The following DAPP1 variants were observed in gnomAD, a reference collection of about 807,000 sequenced individuals.
DAPP1 encodes the protein dual adapter for phosphotyrosine and 3-phosphotyrosine and 3-phosphoinositide.
In DAPP1, 20 loss-of-function variants were observed where a neutral mutation model predicts 41.5. The ratio of observed to expected loss-of-function variants is 0.48; its 90% CI spans 0.34 to 0.70. The LOEUF (loss-of-function observed/expected upper bound fraction) is 0.70, where lower values mean the gene tolerates loss of function less well. Among genes scored for constraint, DAPP1 ranks in the 30% least tolerant of loss-of-function variants. DAPP1 has a pLI of 0.01. For synonymous variants in DAPP1, 113 were observed against 116.2 expected, an observed-to-expected ratio of 0.97 and a Z score of 0.18; for missense variants, 233 against 333.4, an observed-to-expected ratio of 0.70 and a Z score of 2.35.
intron 4 of DAPP1, among the ~76,000 whole-genome samples, chr4:99,859,496 C>T (rs143224661): frequency 2.8e-4 from 42 of 152,216 alleles, no homozygotes; most frequent in African/African-American, 6.3e-4. Flanking sequence ...ATTTATCTGT[C>T]GATTCATTCA....
chr4:99,834,003 G>T lies in DAPP1; in HGVS notation c.102-1620G>T, dbSNP rs182099241. Among the ~76,000 whole-genome samples the T allele has an allele frequency of 9.2e-5, 14 of 152,268 alleles. No homozygotes were observed. The East Asian group carries it at 2.7e-3, about 29-fold the overall frequency. On this transcript the variant is annotated intron_variant, in intron 1 of 8. Transcript: ENST00000512369. ...ACATGAGGAACCAAAGCTCAGATTGGTTAAGTAACATGTCCAAGGCCATAC... is the reference window on the plus strand; with the variant it reads ...ACATGAGGAACCAAAGCTCAGATTGTTTAAGTAACATGTCCAAGGCCATAC...
chr4:99,825,541 C>A (rs1722910229), intron 1 of DAPP1, among the ~76,000 whole-genome samples: 1 of 152,212 alleles, frequency 6.6e-6, no homozygotes, highest in African/African-American at 2.4e-5. Context: ...TTTTCTAAAG[C>A]CTGGGGCAGC....
intron 3 of DAPP1, among the ~76,000 whole-genome samples, chr4:99,842,320 C>T (rs1336125496): frequency 6.6e-6 from 1 of 152,224 alleles, no homozygotes; most frequent in Non-Finnish European, 1.5e-5. Context: ...TTATTTATTA[C>T]AATATAACTC....
intron 1 of DAPP1, among the ~76,000 whole-genome samples, chr4:99,819,354 G>C (rs1722692231): frequency 6.6e-6 from 1 of 152,140 alleles, no homozygotes; most frequent in Non-Finnish European, 1.5e-5. Flanking sequence ...TAATTCCCTG[G>C]TATAAATACT....
At chr4:99,860,087 A>G (rs1023727355) in intron 4 of DAPP1, among the ~76,000 whole-genome samples, 6 of 152,238 alleles carry the variant, frequency 3.9e-5, no homozygotes, top group African/African-American at 1.4e-4. Flanking sequence ...TGGTACCCCA[A>G]TGGGGGCTCT....
intron 1 of DAPP1, among the ~76,000 whole-genome samples, chr4:99,828,402 T>C (rs1578347154): frequency 6.6e-6 from 1 of 152,220 alleles, no homozygotes; most frequent in South Asian, 2.1e-4. Context: ...TATGTATGTT[T>C]ATATATATAC....
At chr4:99,856,895 T>C (rs1352200462) in intron 4 of DAPP1, among the ~76,000 whole-genome samples, 2 of 152,246 alleles carry the variant, frequency 1.3e-5, no homozygotes, top group Non-Finnish European at 2.9e-5. Context: ...AGAGGAACCC[T>C]GAGCCTTGGG....
intron 3 of DAPP1, among the ~76,000 whole-genome samples, chr4:99,846,770 T>TGAGAAA (rs546480504): frequency 1.1e-3 from 160 of 152,338 alleles, no homozygotes; most frequent in Non-Finnish European, 1.9e-3. Flanking sequence ...TGAACAGAAT[T>TGAGAAA]TTCTCCTACA....
At chr4:99,846,976 G>A (rs1187068035) in intron 3 of DAPP1, among the ~76,000 whole-genome samples, 2 of 152,220 alleles carry the variant, frequency 1.3e-5, no homozygotes, top group Non-Finnish European at 2.9e-5. Context: ...CTTCTCATTG[G>A]AAGGAGGGGA....
At chr4:99,868,034 C>G in intron 8 of DAPP1, 83 bp from the exon 9 acceptor site, 1 of 1,183,022 alleles carries the variant, frequency 8.5e-7, no homozygotes, top group Non-Finnish European at 1.3e-6. Context: ...TACTAATCAA[C>G]ATGTCTTATT....
At chr4:99,848,539 A>G (rs1190622453) in intron 3 of DAPP1, among the ~76,000 whole-genome samples, 1 of 152,120 alleles carries the variant, frequency 6.6e-6, no homozygotes, top group Non-Finnish European at 1.5e-5. Context: ...CAGGAGCAGA[A>G]TTTTTTAAAA....
At chr4:99,834,259 G>A (rs1326955047) in intron 1 of DAPP1, among the ~76,000 whole-genome samples, 2 of 152,194 alleles carry the variant, frequency 1.3e-5, no homozygotes, top group East Asian at 3.9e-4. Flanking sequence ...ATGCCTCTAA[G>A]TGTGTAGACT....
At chr4:99,859,177 A>T (rs549989078) in intron 4 of DAPP1, among the ~76,000 whole-genome samples, 2 of 152,070 alleles carry the variant, frequency 1.3e-5, no homozygotes, top group Non-Finnish European at 2.9e-5. Flanking sequence ...CAGCCTCCCA[A>T]AGTGCTGGGA....
intron 3 of DAPP1, among the ~76,000 whole-genome samples, chr4:99,852,706 G>A (rs946397572): frequency 1.3e-5 from 2 of 152,282 alleles, no homozygotes; most frequent in African/African-American, 2.4e-5. Context: ...TTTGTTACAC[G>A]TTTATTCGGA....
chr4:99,864,416 A>G (rs1349107247), intron 7 of DAPP1: 1 of 151,598 alleles, frequency 6.6e-6, no homozygotes, highest in East Asian at 1.9e-4. Context: ...ATCCTAGTCT[A>G]TCCACTTTTT....
chr4:99,866,673 G>C, intron 8 of DAPP1: 1 of 747,886 alleles, frequency 1.3e-6, no homozygotes, highest in East Asian at 2.5e-5. Context: ...GTGCTTGCAA[G>C]TTAGTGAGTT....
At chr4:99,862,443 G>C (rs1045721095) in intron 5 of DAPP1, among the ~76,000 whole-genome samples, 1 of 152,154 alleles carries the variant, frequency 6.6e-6, no homozygotes, top group Non-Finnish European at 1.5e-5. Flanking sequence ...TCTTAGGCAA[G>C]GTTTAGAATA....
In DAPP1 at chr4:99,853,420, A is replaced by G. The variant is rs140890472; in HGVS notation, c.489+72A>G. 443 of 1,523,504 alleles carry G rather than the reference A, an allele frequency of 2.9e-4. 3 individuals are homozygous for G. The African/African-American group carries it at 5.7e-3, about 20-fold the overall frequency. The allele number at this position is 1,523,504 out of a possible 1,614,324, so 94.4% of individuals were successfully genotyped here. ...CAATCAAGTTCAATAAAAGTTAATA[A>G]GAGTGTATTTGTTCACATAAAAATT... On this transcript the variant is annotated intron_variant, in intron 4 of 8. Transcript: ENST00000512369.
intron 1 of DAPP1, among the ~76,000 whole-genome samples, chr4:99,827,733 C>T (rs1006515356): frequency 6.6e-6 from 1 of 152,074 alleles, no homozygotes; most frequent in African/African-American, 2.4e-5. Context: ...TCCTGTGCTG[C>T]TTTGTTTTGC....
Sources: gnomAD v4.1 joint callset for allele counts (sites outside exome capture counted in the v4.1 genomes callset) on GRCh38, gnomAD v4.1.1 for gene constraint, MANE v1.5 for transcripts, NCBI Gene and HGNC (gene_info 2026-07-23, HGNC 2026-07-21) for gene names.